Variants in SMC6 observed in about 807,000 individuals in gnomAD.
SMC6 encodes the protein structural maintenance of chromosomes protein 6.
A neutral mutation model predicts 142.2 loss-of-function variants in SMC6; 79 were observed. That is an observed-to-expected ratio of 0.56 (90% CI 0.46 to 0.67). The LOEUF is 0.67. SMC6 is among the 30% of genes least tolerant of loss of function. The pLI is 0.00. For missense variants in SMC6, 1,072 were observed against 1,284.0 expected (o/e 0.83, Z 2.52); for synonymous variants, 411 against 412.4 (o/e 1.00, Z 0.04).
At chr2:17,697,665 A>T (rs1454709553) in intron 21 of SMC6, among the ~76,000 whole-genome samples, 1 of 152,112 alleles carries the variant, frequency 6.6e-6, no homozygotes, top group Non-Finnish European at 1.5e-5. Flanking sequence ...CTCACTCACT[A>T]GCATGGTTAA....
chr2:17,748,595 C>T (rs1473734946), intron 2 of SMC6, among the ~76,000 whole-genome samples: 4 of 152,176 alleles, frequency 2.6e-5, no homozygotes, highest in Non-Finnish European at 4.4e-5. Flanking sequence ...CAACATAGAT[C>T]GGTTTCAGTT....
chr2:17,729,427 T>C (rs1262512912), intron 7 of SMC6, among the ~76,000 whole-genome samples: 1 of 152,158 alleles, frequency 6.6e-6, no homozygotes, highest in African/African-American at 2.4e-5. Context: ...CTTACAGAAA[T>C]AGGCTTTTTT....
chr2:17,675,238 G>A (rs1666947255), intron 25 of SMC6, among the ~76,000 whole-genome samples: 2 of 151,952 alleles, frequency 1.3e-5, no homozygotes, highest in African/African-American at 4.8e-5. Flanking sequence ...ATTAGTATTG[G>A]TATTACTTCC....
intron 4 of SMC6, among the ~76,000 whole-genome samples, chr2:17,738,688 T>C (rs1346916608): frequency 6.6e-6 from 1 of 152,218 alleles, no homozygotes; most frequent in Non-Finnish European, 1.5e-5. Context: ...TATTAATTCA[T>C]CTAATTTTTA....
chr2:17,685,102 A>G (rs1667390071), intron 23 of SMC6, among the ~76,000 whole-genome samples: 1 of 149,254 alleles, frequency 6.7e-6, no homozygotes, highest in Non-Finnish European at 1.5e-5. Context: ...GAAATAAAGA[A>G]CATAAATGAG....
At chr2:17,720,872 A>T in intron 11 of SMC6, 68 bp downstream of exon 11, 1 of 1,337,858 alleles carries the variant, frequency 7.5e-7, no homozygotes, top group Non-Finnish European at 1.1e-6. Flanking sequence ...GGTGGGTCAT[A>T]AATAGTCTAA....
At chr2:17,670,686 T>A in intron 25 of SMC6, 111 bp from the exon 26 acceptor site, 1 of 1,087,204 alleles carries the variant, frequency 9.2e-7, no homozygotes, top group East Asian at 2.9e-5. Flanking sequence ...GAGATGGGAA[T>A]AAAATGACTT....
chr2:17,704,989 G>A (rs1668433723), intron 18 of SMC6, among the ~76,000 whole-genome samples: 1 of 152,002 alleles, frequency 6.6e-6, no homozygotes, highest in African/African-American at 2.4e-5. Context: ...GGGCACGGTG[G>A]CTCACGCCTC....
intron 21 of SMC6, among the ~76,000 whole-genome samples, chr2:17,698,493 G>A (rs115757830): frequency 2.2e-3 from 333 of 151,888 alleles, no homozygotes; most frequent in African/African-American, 7.7e-3. Flanking sequence ...TTTGTCTCTG[G>A]TAATTTTATT....
intron 16 of SMC6, among the ~76,000 whole-genome samples, chr2:17,709,439 A>C (rs1433039045): frequency 6.6e-6 from 1 of 152,218 alleles, no homozygotes; most frequent in Non-Finnish European, 1.5e-5. Flanking sequence ...TATCAATAGC[A>C]CTGAAAAATG....
At chr2:17,672,519 C>A (rs187127140) in intron 25 of SMC6, among the ~76,000 whole-genome samples, 359 of 152,188 alleles carry the variant, frequency 2.4e-3, no homozygotes, top group African/African-American at 8.3e-3. Context: ...CCTGGGTAAC[C>A]ACTACTGAGA....
intron 5 of SMC6, among the ~76,000 whole-genome samples, chr2:17,732,663 C>T (rs565901151): frequency 1.3e-5 from 2 of 151,566 alleles, no homozygotes; most frequent in South Asian, 4.2e-4. Flanking sequence ...CGTGCCATTG[C>T]ACTCCAGCCT....
chr2:17,718,755 T>C (rs1558360108), intron 11 of SMC6, among the ~76,000 whole-genome samples: 1 of 152,174 alleles, frequency 6.6e-6, no homozygotes, highest in Non-Finnish European at 1.5e-5. Context: ...AATTAAATAT[T>C]GCTAGAGCTT....
chr2:17,697,129 C>T (rs534782678), intron 21 of SMC6, among the ~76,000 whole-genome samples: 47 of 152,108 alleles, frequency 3.1e-4, no homozygotes, highest in Admixed American at 7.9e-4. Context: ...ATATAGAATG[C>T]TTTCTTTCTA....
Position 17,740,768 on chromosome 2 carries a change from T to A in SMC6, c.238+844A>T, listed in dbSNP as rs78988954. 6.9e-6 allele frequency: 3 copies of A among 433,416 alleles called. No homozygotes were observed. The Admixed American group carries it at 7.4e-5, about 11-fold the overall frequency. 26.8% of individuals were successfully genotyped at this position (433,416 alleles called of 1,614,324 possible). A position where few individuals can be genotyped will look rare whatever the true frequency, so the allele number is the denominator to read the frequency against. On this transcript the variant is annotated intron_variant, in intron 4 of 27. Coordinates refer to ENST00000448223, the MANE Select transcript of SMC6 (RefSeq NM_001142286.2). ...ACAAGGCTGAAACAGGAGAATCGCTTGAACCTGGGAGGCAGAGGTTGCATT... is the reference window on the plus strand; with the variant it reads ...ACAAGGCTGAAACAGGAGAATCGCTAGAACCTGGGAGGCAGAGGTTGCATT...
intron 23 of SMC6, among the ~76,000 whole-genome samples, chr2:17,687,253 C>T (rs1449423110): frequency 3.3e-5 from 5 of 152,096 alleles, no homozygotes; most frequent in Non-Finnish European, 5.9e-5. Flanking sequence ...CAAGTGTATC[C>T]AATAGCACAC....
chr2:17,683,508 A>T lies in SMC6; in HGVS notation c.2804+130T>A, dbSNP rs151334539. The T allele has an allele frequency of 7.3e-5, 63 of 858,036 alleles. No homozygotes were observed. The African/African-American group carries it at 1.1e-3, about 14-fold the overall frequency. The allele number at this position is 858,036 out of a possible 1,614,324, so 53.2% of individuals were successfully genotyped here. A position where few individuals can be genotyped will look rare whatever the true frequency, so the allele number is the denominator to read the frequency against. On this transcript the variant is annotated intron_variant, in intron 24 of 27. Transcript: ENST00000448223. Reference sequence around the variant, plus strand: ...AGATTCGGAATTGTCTGATTAAATTAGAGAATCCTAAGAACTGAATAACAA... The same window carrying T: ...AGATTCGGAATTGTCTGATTAAATTTGAGAATCCTAAGAACTGAATAACAA...
chr2:17,731,966 C>T, intron 5 of SMC6, 89 bp from the exon 6 acceptor site: 1 of 1,404,084 alleles, frequency 7.1e-7, no homozygotes. Flanking sequence ...TTCAAAACCA[C>T]CAAATAATTT....
chr2:17,704,410 G>C (rs1439919002), intron 18 of SMC6, among the ~76,000 whole-genome samples: 2 of 152,282 alleles, frequency 1.3e-5, no homozygotes, highest in East Asian at 3.9e-4. Flanking sequence ...AATAAATAAA[G>C]TACCAGATTC....
Sources: allele counts gnomAD v4.1 joint callset (sites outside exome capture counted in the v4.1 genomes callset), GRCh38; gene constraint gnomAD v4.1.1; transcripts MANE v1.5; gene names NCBI Gene and HGNC (gene_info 2026-07-23, HGNC 2026-07-21).